Variants in AAMDC observed in about 807,000 individuals in gnomAD.
AAMDC encodes the protein mth938 domain-containing protein.
In AAMDC, 16 loss-of-function variants were observed where a neutral mutation model predicts 15.5. The ratio of observed to expected loss-of-function variants is 1.03; its 90% CI spans 0.70 to 1.57. The LOEUF (loss-of-function observed/expected upper bound fraction) is 1.57. Among genes scored for constraint, AAMDC ranks in the 40% most tolerant of loss-of-function variants. The pLI, the probability that AAMDC is intolerant of heterozygous loss-of-function variation, is 0.00. For missense variants in AAMDC, 141 were observed against 144.9 expected (o/e 0.97, Z 0.14); for synonymous variants, 51 against 51.6 (o/e 0.99, Z 0.05).
At chr11:77,877,751 T>C (rs1208806143) in intron 5 of AAMDC, among the ~76,000 whole-genome samples, 1 of 150,406 alleles carries the variant, frequency 6.6e-6, no homozygotes. Context: ...CACTTGCAAT[T>C]TTTTTTTTTT....
chr11:77,857,999 C>A (rs1387933400), intron 2 of AAMDC, among the ~76,000 whole-genome samples: 1 of 152,026 alleles, frequency 6.6e-6, no homozygotes, highest in East Asian at 1.9e-4. Flanking sequence ...CGGCCATCAT[C>A]TAGGTTTTAA....
chr11:77,881,673 T>A (rs1043655742), intron 5 of AAMDC, among the ~76,000 whole-genome samples: 1 of 152,192 alleles, frequency 6.6e-6, no homozygotes, highest in African/African-American at 2.4e-5. Context: ...GAGTGCCTAC[T>A]ACATGTCAGG....
Position 77,832,951 on chromosome 11 carries a change from ATGTGTGTGTGTGTGTGTG to A in AAMDC, c.-18-9498_-18-9481del, listed in dbSNP as rs146936151. Among the ~76,000 whole-genome samples, 170 of 68,390 alleles carry A rather than the reference ATGTGTGTGTGTGTGTGTG, an allele frequency of 2.5e-3. 2 individuals are homozygous for A. The highest frequency in any genetic ancestry group is 4.9e-3 in the African/African-American group (78 of 16,014). 44.9% of individuals were successfully genotyped at this position (68,390 alleles called of 152,430 possible). A position where few individuals can be genotyped will look rare whatever the true frequency, so the allele number is the denominator to read the frequency against. On this transcript the variant is annotated intron_variant, in intron 1 of 3. Coordinates refer to ENST00000393427, the MANE Select transcript of AAMDC (RefSeq NM_024684.4). Reference sequence around the variant, plus strand: ...ATTGTGCACTTTATTGTATATATATATGTGTGTGTGTGTGTGTGTGTGTGTGTGTGTGTGTGTGTGTGT... The same window carrying A: ...ATTGTGCACTTTATTGTATATATATATGTGTGTGTGTGTGTGTGTGTGTGT...
At chr11:77,858,290 G>A (rs1469527772) in intron 2 of AAMDC, among the ~76,000 whole-genome samples, 1 of 119,110 alleles carries the variant, frequency 8.4e-6, no homozygotes, top group Admixed American at 9.4e-5. Context: ...CACCTCCTGC[G>A]TTTAAGCAAT....
In AAMDC at chr11:77,872,066, G is replaced by A. The variant is rs1375737670; in HGVS notation, c.229-109G>A. 6 of 1,255,626 alleles carry A rather than the reference G, an allele frequency of 4.8e-6. No homozygotes were observed. In the South Asian group the frequency reaches 8.4e-5, roughly 17 times the overall value. The allele number at this position is 1,255,626 out of a possible 1,614,324, so 77.8% of individuals were successfully genotyped here. ...TGGTGATACACTGAGTGATCGTGAA[G>A]TGACGATTGTCACTGTCTAATTCTG... is the stretch of plus-strand genomic sequence containing the variant. On this transcript the variant is annotated intron_variant, in intron 3 of 3. Transcript: ENST00000393427.
chr11:77,887,188 A>C (rs1010915193), intron 5 of AAMDC, among the ~76,000 whole-genome samples: 1 of 152,234 alleles, frequency 6.6e-6, no homozygotes, highest in African/African-American at 2.4e-5. Context: ...ATACTGGCAA[A>C]CCAAATCCAG....
chr11:77,899,687 A>G, intron 5 of AAMDC, among the ~76,000 whole-genome samples: 1 of 152,112 alleles, frequency 6.6e-6, no homozygotes, highest in Admixed American at 6.6e-5. Flanking sequence ...AAAAAAAAGA[A>G]AAATATAAAA....
intron 1 of AAMDC, among the ~76,000 whole-genome samples, chr11:77,823,258 A>G (rs1407815634): frequency 4.6e-5 from 7 of 151,970 alleles, no homozygotes; most frequent in African/African-American, 1.4e-4. Context: ...TACTTCAGGA[A>G]AATATCTTTA....
At chr11:77,882,190 C>T (rs1218243543) in intron 5 of AAMDC, among the ~76,000 whole-genome samples, 4 of 152,152 alleles carry the variant, frequency 2.6e-5, no homozygotes, top group Non-Finnish European at 4.4e-5. Context: ...ATTACAGGTA[C>T]AAGCCACCAG....
intron 5 of AAMDC, among the ~76,000 whole-genome samples, chr11:77,886,675 A>G (rs911466807): frequency 3.3e-5 from 5 of 152,192 alleles, no homozygotes; most frequent in African/African-American, 1.2e-4. Flanking sequence ...CAGCAGGGAA[A>G]GAAGACCCTG....
rs542859667 is a variant in AAMDC at position 77,854,686 on chromosome 11, G to C, written c.132+12058G>C. Among the ~76,000 whole-genome samples the C allele has an allele frequency of 3.9e-5, 6 of 152,306 alleles. No homozygotes were observed. The East Asian group carries it at 9.7e-4, about 25-fold the overall frequency. On this transcript the variant is annotated intron_variant, in intron 2 of 3. Coordinates refer to ENST00000393427, the MANE Select transcript of AAMDC (RefSeq NM_024684.4). ...GGCTGCTTTCGTGGGCTGGCATTGA[G>C]TGCCTGCGGGTTTTCCAGGTGCATG...
chr11:77,884,291 T>C (rs1951904421), intron 5 of AAMDC, among the ~76,000 whole-genome samples: 1 of 152,228 alleles, frequency 6.6e-6, no homozygotes, highest in South Asian at 2.1e-4. Flanking sequence ...CTCTGAATCA[T>C]ACCATGGCCC....
rs186651814 is a variant in AAMDC, at chr11:77,836,476, A to G, written c.-18-6003A>G. On this transcript the variant is annotated intron_variant, in intron 1 of 3. Coordinates refer to ENST00000393427, the MANE Select transcript of AAMDC (RefSeq NM_024684.4). ...GCCAAAAAGGCCTCGCCATAAACCAACCAATCCTATTGGCACCTTGATCTT... is the reference window on the plus strand; with the variant it reads ...GCCAAAAAGGCCTCGCCATAAACCAGCCAATCCTATTGGCACCTTGATCTT... Among the ~76,000 whole-genome samples, 6 of 152,162 alleles carry G rather than the reference A, an allele frequency of 3.9e-5. No individual in the cohort carries two copies. In the East Asian group the frequency reaches 7.7e-4, roughly 20 times the overall value.
chr11:77,866,876 T>C (rs1013790525), intron 2 of AAMDC: 1 of 152,204 alleles, frequency 6.6e-6, no homozygotes. Flanking sequence ...GTTTCGCTCT[T>C]GTTGCCCAGG....
intron 5 of AAMDC, among the ~76,000 whole-genome samples, chr11:77,887,505 C>G (rs1278868183): frequency 6.6e-6 from 1 of 152,110 alleles, no homozygotes; most frequent in East Asian, 1.9e-4. Flanking sequence ...CCTTTGAAAA[C>G]TGGCACAAGA....
At chr11:77,898,751 A>G (rs1396637981) in intron 5 of AAMDC, among the ~76,000 whole-genome samples, 1 of 152,160 alleles carries the variant, frequency 6.6e-6, no homozygotes, top group African/African-American at 2.4e-5. Context: ...CAGGCACGGT[A>G]GCTCACGCCT....
intron 1 of AAMDC, among the ~76,000 whole-genome samples, chr11:77,829,245 G>T (rs1162147001): frequency 6.6e-6 from 1 of 152,194 alleles, no homozygotes; most frequent in Non-Finnish European, 1.5e-5. Flanking sequence ...GACACAGAGA[G>T]ATGGCAGACA....
At chr11:77,891,192 C>T in intron 5 of AAMDC, 1 of 829,828 alleles carries the variant, frequency 1.2e-6, no homozygotes, top group Non-Finnish European at 1.9e-6. Context: ...GGTTCTTTCC[C>T]ACAGAGGCTC....
At chr11:77,821,622 G>GACCAGAGA (rs1382777609) in intron 1 of AAMDC, among the ~76,000 whole-genome samples, 2 of 152,076 alleles carry the variant, frequency 1.3e-5, no homozygotes, top group African/African-American at 4.8e-5. Context: ...TCTGTTCAGG[G>GACCAGAGA]ACCAGAATCG....
Sources: allele counts gnomAD v4.1 joint callset (sites outside exome capture counted in the v4.1 genomes callset), GRCh38; gene constraint gnomAD v4.1.1; transcripts MANE v1.5; gene names NCBI Gene and HGNC (gene_info 2026-07-23, HGNC 2026-07-21).